RALGAPA2: variants seen among roughly 807,000 people sequenced by gnomAD.
RALGAPA2 encodes the protein ral GTPase-activating protein subunit alpha-2.
In RALGAPA2, 139 loss-of-function variants were observed where a neutral mutation model predicts 230.4. The observed-to-expected ratio is 0.60, with a 90% CI of 0.53 to 0.69. The LOEUF (loss-of-function observed/expected upper bound fraction) is 0.69, where lower values mean the gene tolerates loss of function less well. Among genes scored for constraint, RALGAPA2 ranks in the 30% least tolerant of loss-of-function variants. The probability of loss-of-function intolerance (pLI) is 0.00; values close to 1 mark genes in which losing one functional copy is unlikely to be tolerated. For synonymous variants in RALGAPA2, 847 were observed against 837.8 expected (o/e 1.01, Z -0.19); for missense variants, 2,163 against 2,276.0 (o/e 0.95, Z 1.01).
chr20:20,426,486 T>A (rs1378463191), intron 37 of RALGAPA2, among the ~76,000 whole-genome samples: 2 of 152,232 alleles, frequency 1.3e-5, no homozygotes, highest in African/African-American at 4.8e-5. Flanking sequence ...TGAAGCCACC[T>A]GTTTGCTAAC....
intron 25 of RALGAPA2, 137 bp downstream of exon 25, chr20:20,536,519 A>T: frequency 2.0e-6 from 2 of 983,148 alleles, no homozygotes; most frequent in Non-Finnish European, 2.9e-6. Flanking sequence ...TCTTCTAGAA[A>T]CAACTACTGA....
chr20:20,420,990 T>C (rs1446655116), intron 37 of RALGAPA2, among the ~76,000 whole-genome samples: 2 of 152,198 alleles, frequency 1.3e-5, no homozygotes, highest in Non-Finnish European at 1.5e-5. Flanking sequence ...AGCAATGTTT[T>C]GAGTAGTGAT....
intron 38 of RALGAPA2, among the ~76,000 whole-genome samples, chr20:20,406,957 T>C (rs2059959382): frequency 6.6e-6 from 1 of 152,182 alleles, no homozygotes; most frequent in Non-Finnish European, 1.5e-5. Flanking sequence ...GACTCTGGCC[T>C]TTAGTATGAA....
chr20:20,635,932 T>C (rs2066843883), intron 8 of RALGAPA2, among the ~76,000 whole-genome samples: 1 of 152,244 alleles, frequency 6.6e-6, no homozygotes, highest in Non-Finnish European at 1.5e-5. Context: ...AAACATCTTT[T>C]CACATACATT....
intron 23 of RALGAPA2, among the ~76,000 whole-genome samples, chr20:20,564,237 C>T (rs1340257886): frequency 6.6e-6 from 1 of 152,218 alleles, no homozygotes; most frequent in African/African-American, 2.4e-5. Context: ...CCACTCTAGT[C>T]ATTGTTCCTG....
intron 1 of RALGAPA2, among the ~76,000 whole-genome samples, chr20:20,683,676 C>G (rs753775533): frequency 2.5e-4 from 38 of 152,306 alleles, no homozygotes; most frequent in Non-Finnish European, 4.4e-4. Flanking sequence ...CACAAAACCC[C>G]TTGCCAGCAG....
intron 3 of RALGAPA2, among the ~76,000 whole-genome samples, chr20:20,654,541 C>T (rs1168543661): frequency 6.6e-6 from 1 of 152,174 alleles, no homozygotes; most frequent in Non-Finnish European, 1.5e-5. Flanking sequence ...ACAATGTCCT[C>T]CAGGTTCAAC....
chr20:20,536,752 G>A lies in RALGAPA2; in HGVS notation c.3318C>T (p.Gly1106=), dbSNP rs1199057612. The A allele has an allele frequency of 6.2e-7, 1 of 1,612,706 alleles. No individual in the cohort carries two copies. Among genetic ancestry groups the A allele is most frequent in the African/African-American group, 1.3e-5 (1 of 74,898 alleles). Reference sequence around the variant, plus strand: ...AGGTATTTGGAAAGCAGACCAGAGAGCCGAGGACAGTGACAGCCTCTGAAC... The same window carrying A: ...AGGTATTTGGAAAGCAGACCAGAGAACCGAGGACAGTGACAGCCTCTGAAC... ...APRSEAVTVL[G]SLVCFPNTYQ... The change falls in exon 25 of 40, where the codon GGC becomes GGT. Residue 1106 remains glycine (G), a synonymous_variant. Coordinates refer to ENST00000202677, the MANE Select transcript of RALGAPA2 (RefSeq NM_020343.4).
chr20:20,577,319 T>C (rs967316171), intron 20 of RALGAPA2, among the ~76,000 whole-genome samples: 1 of 152,132 alleles, frequency 6.6e-6, no homozygotes, highest in Admixed American at 6.6e-5. Flanking sequence ...TAAGCTATGC[T>C]TATTAAATTA....
chr20:20,711,521 G>C (rs2069867779), intron 1 of RALGAPA2, among the ~76,000 whole-genome samples: 1 of 152,152 alleles, frequency 6.6e-6, no homozygotes. Context: ...ACCAGCTACA[G>C]ATCACATGCA....
At chr20:20,584,529 C>T (rs1378022345) in intron 19 of RALGAPA2, among the ~76,000 whole-genome samples, 1 of 152,214 alleles carries the variant, frequency 6.6e-6, no homozygotes, top group African/African-American at 2.4e-5. Context: ...TAAGCTATTA[C>T]TCAAGTTAGA....
At chr20:20,596,004 G>C (rs1379521954) in intron 16 of RALGAPA2, among the ~76,000 whole-genome samples, 1 of 151,978 alleles carries the variant, frequency 6.6e-6, no homozygotes, top group African/African-American at 2.4e-5. Flanking sequence ...AGAACAGCTG[G>C]AAAGAACTGT....
At chr20:20,473,439 C>T (rs764470105) in intron 36 of RALGAPA2, among the ~76,000 whole-genome samples, 2 of 152,140 alleles carry the variant, frequency 1.3e-5, no homozygotes, top group Non-Finnish European at 2.9e-5. Context: ...TCATTCTTCT[C>T]GACCTTTTCC....
chr20:20,448,271 T>C (rs921588747), intron 37 of RALGAPA2, among the ~76,000 whole-genome samples: 6 of 152,172 alleles, frequency 3.9e-5, no homozygotes, highest in Non-Finnish European at 7.3e-5. Flanking sequence ...GACTTGAGAG[T>C]ACTTGACCGA....
chr20:20,427,512 C>T (rs918705800), intron 37 of RALGAPA2, among the ~76,000 whole-genome samples: 8 of 151,962 alleles, frequency 5.3e-5, no homozygotes, highest in Non-Finnish European at 8.8e-5. Flanking sequence ...TCCCTCCGAC[C>T]GGCTAGCCCA....
At chr20:20,567,081 T>A (rs1249992505) in intron 23 of RALGAPA2, among the ~76,000 whole-genome samples, 1 of 152,146 alleles carries the variant, frequency 6.6e-6, no homozygotes, top group Non-Finnish European at 1.5e-5. Context: ...AACAGACAAA[T>A]TACATTAAGA....
chr20:20,534,174 G>A (rs1449334618), intron 26 of RALGAPA2, among the ~76,000 whole-genome samples: 4 of 152,204 alleles, frequency 2.6e-5, no homozygotes, highest in Non-Finnish European at 5.9e-5. Context: ...GCTGGGCGCA[G>A]TAGCTCATGC....
In RALGAPA2 at chr20:20,712,390, G is replaced by A. The variant is rs988433876; in HGVS notation, c.91C>T (p.Leu31=). The A allele has an allele frequency of 1.3e-6, 2 of 1,549,534 alleles. No individual in the cohort carries two copies. The highest frequency in any genetic ancestry group is 1.7e-6 in the Non-Finnish European group (2 of 1,146,098). ...KKDVLTRLKH[L]RALLDNVDAN... is the part of the protein sequence containing the mutation. ...CGCGCCTCACCCAGCAGCGCCCGCA[G>A]GTGCTTCAGGCGGGTCAGCACGTCC... The change falls in exon 1 of 40, where the codon CTG becomes TTG. Residue 31 remains leucine, a synonymous_variant. Transcript: ENST00000202677. The surrounding 1 kb of genome is among the most constrained non-coding windows in gnomAD (Gnocchi z 5.5).
intron 24 of RALGAPA2, among the ~76,000 whole-genome samples, chr20:20,541,606 G>T (rs1353425259): frequency 1.3e-5 from 2 of 152,170 alleles, no homozygotes; most frequent in Admixed American, 6.5e-5. Context: ...GGATGGGCCA[G>T]GACAGCTCAA....
Sources: allele counts gnomAD v4.1 joint callset (sites outside exome capture counted in the v4.1 genomes callset), GRCh38; gene constraint gnomAD v4.1.1; non-coding constraint Gnocchi (gnomAD v3.1); transcripts MANE v1.5; gene names NCBI Gene and HGNC (gene_info 2026-07-23, HGNC 2026-07-21).